Variants in BBS9 observed in about 807,000 individuals in gnomAD.
BBS9 encodes the protein Bardet-Biedl syndrome 9.
In BBS9, 89 loss-of-function variants were observed where a neutral mutation model predicts 117.7. That is an observed-to-expected ratio of 0.76 (90% CI 0.64 to 0.90). The LOEUF (loss-of-function observed/expected upper bound fraction) is 0.90. Among genes scored for constraint, BBS9 ranks in the 40% least tolerant of loss-of-function variants. BBS9 has a pLI of 0.00. For synonymous variants in BBS9, 379 were observed against 370.9 expected, an observed-to-expected ratio of 1.02 and a Z score of -0.25; for missense variants, 982 against 1,042.2, an observed-to-expected ratio of 0.94 and a Z score of 0.80.
intron 5 of BBS9, among the ~76,000 whole-genome samples, chr7:33,191,329 T>C (rs1784082759): frequency 6.6e-6 from 1 of 152,142 alleles, no homozygotes; most frequent in Non-Finnish European, 1.5e-5. Context: ...GAGCTTTGAG[T>C]TAATGGTCAG....
intron 20 of BBS9, among the ~76,000 whole-genome samples, chr7:33,519,373 C>T (rs1383598631): frequency 6.6e-6 from 1 of 152,172 alleles, no homozygotes; most frequent in Non-Finnish European, 1.5e-5. Context: ...AGTAGCTGCT[C>T]CAAGTATTCT....
intron 21 of BBS9, among the ~76,000 whole-genome samples, chr7:33,620,340 T>TA (rs1245482352): frequency 1.3e-5 from 2 of 151,898 alleles, no homozygotes; most frequent in African/African-American, 2.4e-5. Flanking sequence ...TAGGACTCCT[T>TA]AAAAAAACTG....
intron 21 of BBS9, among the ~76,000 whole-genome samples, chr7:33,588,213 A>G (rs2129173212): frequency 6.6e-6 from 1 of 152,142 alleles, no homozygotes; most frequent in South Asian, 2.1e-4. Context: ...ATCCAGTGAA[A>G]TTCATTTCCT....
chr7:33,192,603 T>G (rs1784306675), intron 5 of BBS9, among the ~76,000 whole-genome samples: 1 of 152,218 alleles, frequency 6.6e-6, no homozygotes, highest in African/African-American at 2.4e-5. Flanking sequence ...TGACTTTCGT[T>G]ACATTAAACC....
rs984031660 is a variant in BBS9, at chr7:33,344,493, G to A, written c.1276-88G>A. On this transcript the variant is annotated intron_variant, in intron 11 of 22. Coordinates refer to ENST00000242067, the MANE Select transcript of BBS9 (RefSeq NM_198428.3). ...TTTATAGTTTCCTATTTTGATAGTA[G>A]GAAATATACATTGCACTCATTGTGT... 1.5e-5 allele frequency: 17 copies of A among 1,158,490 alleles called. No individual in the cohort carries two copies. In the African/African-American group the frequency reaches 2.0e-4, roughly 13 times the overall value. The allele number at this position is 1,158,490 out of a possible 1,614,324, so 71.8% of individuals were successfully genotyped here.
intron 19 of BBS9, among the ~76,000 whole-genome samples, chr7:33,470,682 G>A (rs546931860): frequency 5.9e-5 from 9 of 152,288 alleles, no homozygotes; most frequent in Admixed American, 3.9e-4. Context: ...CCTGCTCACC[G>A]TGGGTTATAA....
intron 6 of BBS9, among the ~76,000 whole-genome samples, chr7:33,259,376 C>G (rs1288712020): frequency 6.6e-6 from 1 of 152,146 alleles, no homozygotes; most frequent in Non-Finnish European, 1.5e-5. Flanking sequence ...ATAAAATGCA[C>G]TTTTACAGAT....
chr7:33,214,740 T>C (rs1788714792), intron 5 of BBS9, among the ~76,000 whole-genome samples: 1 of 152,222 alleles, frequency 6.6e-6, no homozygotes, highest in Non-Finnish European at 1.5e-5. Flanking sequence ...TGCTTATAGA[T>C]GGGGATAACA....
intron 21 of BBS9, among the ~76,000 whole-genome samples, chr7:33,563,777 C>T (rs771093440): frequency 1.3e-5 from 2 of 152,154 alleles, no homozygotes; most frequent in Non-Finnish European, 2.9e-5. Context: ...GAAGGAATGT[C>T]TGAGTATGAC....
intron 13 of BBS9, among the ~76,000 whole-genome samples, chr7:33,350,812 C>T (rs547243216): frequency 1.4e-4 from 21 of 152,304 alleles, no homozygotes; most frequent in East Asian, 3.9e-4. Context: ...GGAGCAATCT[C>T]GGTTCACTGC....
intron 5 of BBS9, among the ~76,000 whole-genome samples, chr7:33,255,408 T>G (rs1796880669): frequency 6.7e-6 from 1 of 149,246 alleles, no homozygotes; most frequent in Non-Finnish European, 1.5e-5. Context: ...TTGAAGAGAC[T>G]GTTCTTTCAC....
At chr7:33,466,016 CAAAT>C (rs1302527397) in intron 19 of BBS9, among the ~76,000 whole-genome samples, 1 of 151,806 alleles carries the variant, frequency 6.6e-6, no homozygotes, top group Non-Finnish European at 1.5e-5. Flanking sequence ...GTGTACCTGA[CAAAT>C]AAAAGTTGTA....
chr7:33,365,819 G>A (rs1038707803), intron 16 of BBS9, among the ~76,000 whole-genome samples: 3 of 152,258 alleles, frequency 2.0e-5, no homozygotes, highest in Non-Finnish European at 4.4e-5. Flanking sequence ...CGAGATGGGA[G>A]CATGGATGTG....
chr7:33,565,323 T>C (rs914640337), intron 21 of BBS9, among the ~76,000 whole-genome samples: 2 of 152,108 alleles, frequency 1.3e-5, no homozygotes, highest in Non-Finnish European at 2.9e-5. Flanking sequence ...TTACTTGGTA[T>C]GAGGAAGCCT....
chr7:33,573,583 A>G (rs1257712042), intron 21 of BBS9, among the ~76,000 whole-genome samples: 1 of 152,100 alleles, frequency 6.6e-6, no homozygotes, highest in African/African-American at 2.4e-5. Flanking sequence ...CTGTTTTGCT[A>G]CTGCAAAAAA....
chr7:33,289,934 TACTCAGGAGGC>T (rs1803673825), intron 9 of BBS9, among the ~76,000 whole-genome samples: 1 of 151,532 alleles, frequency 6.6e-6, no homozygotes, highest in Admixed American at 6.6e-5. Context: ...TAGTCCCAGC[TACTCAGGAGGC>T]TGAGGCAGGA....
chr7:33,259,228 A>G (rs1016529542), intron 6 of BBS9, among the ~76,000 whole-genome samples: 8 of 152,214 alleles, frequency 5.3e-5, no homozygotes, highest in Non-Finnish European at 1.2e-4. Context: ...ATAGGCTTTT[A>G]ACACATAACT....
chr7:33,479,868 C>T (rs1453018101), intron 19 of BBS9, among the ~76,000 whole-genome samples: 4 of 152,116 alleles, frequency 2.6e-5, no homozygotes, highest in African/African-American at 9.7e-5. Flanking sequence ...GGTATTTCTG[C>T]TTCTGAGAAG....
intron 21 of BBS9, among the ~76,000 whole-genome samples, chr7:33,567,504 T>A (rs1438369530): frequency 2.0e-5 from 3 of 152,168 alleles, no homozygotes; most frequent in Non-Finnish European, 4.4e-5. Flanking sequence ...CTCATCTCCT[T>A]GGCTGCTCCT....
Sources: gnomAD v4.1 joint callset for allele counts (sites outside exome capture counted in the v4.1 genomes callset) on GRCh38, gnomAD v4.1.1 for gene constraint, MANE v1.5 for transcripts, NCBI Gene and HGNC (gene_info 2026-07-23, HGNC 2026-07-21) for gene names.